OXR1: variants seen among roughly 807,000 people sequenced by gnomAD.
OXR1 encodes the protein oxidation resistance 1.
A neutral mutation model predicts 104.6 loss-of-function variants in OXR1; 41 were observed. The ratio of observed to expected loss-of-function variants is 0.39; its 90% CI spans 0.31 to 0.51. OXR1 has a LOEUF of 0.51. OXR1 is among the 20% of genes least tolerant of loss of function. OXR1 has a pLI of 0.77. For missense variants in OXR1, 955 were observed against 1,031.9 expected (o/e 0.93, Z 1.02); for synonymous variants, 348 against 348.4 (o/e 1.00, Z 0.01).
At chr8:106,503,698 C>T (rs549420503) in intron 2 of OXR1, among the ~76,000 whole-genome samples, 12 of 152,258 alleles carry the variant, frequency 7.9e-5, no homozygotes, top group Non-Finnish European at 1.3e-4. Context: ...AGCTGCCATC[C>T]GGTGAGTATG....
At chr8:106,331,274 T>A (rs761951032) in intron 1 of OXR1, among the ~76,000 whole-genome samples, 6 of 152,352 alleles carry the variant, frequency 3.9e-5, no homozygotes, top group Middle Eastern at 3.4e-3. Flanking sequence ...AAAACATTTT[T>A]AAATTAACTT....
chr8:106,470,063 T>C (rs1354091454), intron 2 of OXR1, among the ~76,000 whole-genome samples: 3 of 151,780 alleles, frequency 2.0e-5, no homozygotes, highest in African/African-American at 7.2e-5. Context: ...GTGGCTACAG[T>C]GCAATGAGTT....
rs2130719528 is a variant in OXR1, at chr8:106,595,112, A to G, written c.220+75973A>G. Among the ~76,000 whole-genome samples the G allele has an allele frequency of 1.3e-5, 2 of 152,368 alleles. 1 individual carries two copies. Among genetic ancestry groups the G allele is most frequent in the South Asian group, 4.1e-4 (2 of 4,834 alleles). On this transcript the variant is annotated intron_variant, in intron 3 of 16. Transcript: ENST00000517566. ...CACAGTCTTCTTTGTGTGGACGACC[A>G]GTTTGCAACCCTTGCCTTAAAATTA...
At chr8:106,387,761 G>A (rs1586592911) in intron 2 of OXR1, among the ~76,000 whole-genome samples, 1 of 152,244 alleles carries the variant, frequency 6.6e-6, no homozygotes, top group Admixed American at 6.5e-5. Context: ...AAGTGCATTC[G>A]ATTTTCCAGG....
chr8:106,502,382 AG>A (rs1811871374), intron 2 of OXR1, among the ~76,000 whole-genome samples: 2 of 152,252 alleles, frequency 1.3e-5, no homozygotes, highest in South Asian at 4.1e-4. Flanking sequence ...AGATAGAGAC[AG>A]GAAAGGAGCA....
intron 3 of OXR1, among the ~76,000 whole-genome samples, chr8:106,641,612 CA>C (rs920477790): frequency 6.6e-6 from 1 of 151,908 alleles, no homozygotes; most frequent in African/African-American, 2.4e-5. Flanking sequence ...GTAGCATACC[CA>C]AAAAATCAAA....
intron 3 of OXR1, among the ~76,000 whole-genome samples, chr8:106,671,478 G>A (rs1222215033): frequency 6.6e-6 from 1 of 152,128 alleles, no homozygotes; most frequent in East Asian, 1.9e-4. Context: ...TGCATTGTCT[G>A]GGAAGAGGAT....
intron 1 of OXR1, among the ~76,000 whole-genome samples, chr8:106,321,116 A>G (rs920940749): frequency 1.3e-5 from 2 of 152,248 alleles, no homozygotes; most frequent in African/African-American, 2.4e-5. Context: ...TATTATAGGA[A>G]CCATTTTATC....
At chr8:106,368,571 C>T (rs1019685129) in intron 2 of OXR1, among the ~76,000 whole-genome samples, 2 of 151,786 alleles carry the variant, frequency 1.3e-5, no homozygotes, top group Non-Finnish European at 2.9e-5. Context: ...CCCCAACAGG[C>T]CCTGATGTGT....
chr8:106,656,640 A>G (rs534427618), intron 3 of OXR1, among the ~76,000 whole-genome samples: 1 of 152,264 alleles, frequency 6.6e-6, no homozygotes, highest in Non-Finnish European at 1.5e-5. Context: ...GGGTATGCAG[A>G]TTCTCCTGGG....
intron 1 of OXR1, among the ~76,000 whole-genome samples, chr8:106,341,782 T>A (rs1815259808): frequency 6.6e-6 from 1 of 152,150 alleles, no homozygotes; most frequent in Non-Finnish European, 1.5e-5. Flanking sequence ...TCTATCTGCA[T>A]CCAAGATCAC....
At chr8:106,712,543 A>G (rs1831804047) in intron 10 of OXR1, among the ~76,000 whole-genome samples, 2 of 152,220 alleles carry the variant, frequency 1.3e-5, no homozygotes, top group East Asian at 1.9e-4. Flanking sequence ...TAACATATGG[A>G]AATTGGAGAT....
At chr8:106,409,726 G>T (rs1818384970) in intron 2 of OXR1, among the ~76,000 whole-genome samples, 2 of 152,132 alleles carry the variant, frequency 1.3e-5, no homozygotes, top group African/African-American at 4.8e-5. Flanking sequence ...GAAAGGCTTA[G>T]TTACAGTTGG....
chr8:106,537,036 A>G (rs1266000844), intron 3 of OXR1, among the ~76,000 whole-genome samples: 1 of 152,160 alleles, frequency 6.6e-6, no homozygotes, highest in Non-Finnish European at 1.5e-5. Flanking sequence ...GTCCAAAAAT[A>G]GATGCTGGCA....
intron 2 of OXR1, among the ~76,000 whole-genome samples, chr8:106,420,526 A>G (rs1278418326): frequency 6.6e-6 from 1 of 151,934 alleles, no homozygotes; most frequent in Admixed American, 6.6e-5. Context: ...ACAAACTCCC[A>G]AATCTGTATA....
intron 3 of OXR1, among the ~76,000 whole-genome samples, chr8:106,633,428 G>T (rs978965478): frequency 2.6e-5 from 4 of 152,004 alleles, no homozygotes; most frequent in Non-Finnish European, 4.4e-5. Flanking sequence ...TTTGGTCTTA[G>T]TGCTCTTTGT....
intron 3 of OXR1, among the ~76,000 whole-genome samples, chr8:106,537,276 T>A (rs1814608218): frequency 6.6e-6 from 1 of 152,170 alleles, no homozygotes; most frequent in South Asian, 2.1e-4. Context: ...CATTAGATGA[T>A]GCAAAAGCTA....
At chr8:106,512,812 A>T (rs114447195) in intron 2 of OXR1, among the ~76,000 whole-genome samples, 1 of 152,132 alleles carries the variant, frequency 6.6e-6, no homozygotes, top group East Asian at 1.9e-4. Flanking sequence ...GATAAGACAA[A>T]AAAAGTAAGA....
intron 2 of OXR1, among the ~76,000 whole-genome samples, chr8:106,383,857 A>C (rs1299726845): frequency 6.6e-6 from 1 of 152,216 alleles, no homozygotes; most frequent in East Asian, 1.9e-4. Flanking sequence ...AAATCACCAC[A>C]AAATTATAGA....
Sources: gnomAD v4.1 joint callset for allele counts (sites outside exome capture counted in the v4.1 genomes callset) on GRCh38, gnomAD v4.1.1 for gene constraint, MANE v1.5 for transcripts, NCBI Gene and HGNC (gene_info 2026-07-23, HGNC 2026-07-21) for gene names.